PTCH1: variants seen among roughly 807,000 people sequenced by gnomAD.
The protein encoded by PTCH1 is protein patched homolog 1.
Under a neutral mutation model 144.6 loss-of-function variants are expected in PTCH1, and 14 were observed. The observed-to-expected ratio is 0.10, with a 90% CI of 0.06 to 0.15. PTCH1 has a LOEUF of 0.15. PTCH1 is among the 10% of genes least tolerant of loss of function. The pLI is 1.00. For synonymous variants in PTCH1, 833 were observed against 793.6 expected (o/e 1.05, Z -0.83); for missense variants, 1,623 against 1,948.3 (o/e 0.83, Z 3.14).
chr9:95,453,275 G>A, intron 20 of PTCH1: 1 of 633,946 alleles, frequency 1.6e-6, no homozygotes, highest in South Asian at 1.8e-5. Flanking sequence ...GGGATTACAG[G>A]CACCCACCAC....
At chr9:95,469,323 C>G (rs1472774254) in intron 13 of PTCH1, 170 bp from the exon 14 acceptor site, 2 of 946,386 alleles carry the variant, frequency 2.1e-6, no homozygotes, top group East Asian at 5.3e-5. Flanking sequence ...ATAACATCAC[C>G]TGGTTCATCG....
intron 2 of PTCH1, among the ~76,000 whole-genome samples, chr9:95,497,303 C>T (rs1337617022): frequency 2.0e-5 from 3 of 152,320 alleles, no homozygotes; most frequent in Middle Eastern, 3.4e-3. Context: ...TCGTACGACA[C>T]GTTATACCGG....
At chr9:95,454,371 G>A (rs947093048) in intron 19 of PTCH1, among the ~76,000 whole-genome samples, 10 of 152,238 alleles carry the variant, frequency 6.6e-5, no homozygotes, top group Admixed American at 5.9e-4. Context: ...GGATTATGCC[G>A]AGAGGAGAGG....
At chr9:95,491,766 T>C (rs905132401) in intron 2 of PTCH1, among the ~76,000 whole-genome samples, 10 of 152,200 alleles carry the variant, frequency 6.6e-5, no homozygotes, top group Non-Finnish European at 1.3e-4. Flanking sequence ...AGGTCTCAAA[T>C]GCTCCAAAAC....
At chr9:95,494,677 G>A (rs1475415568) in intron 2 of PTCH1, among the ~76,000 whole-genome samples, 1 of 152,196 alleles carries the variant, frequency 6.6e-6, no homozygotes, top group East Asian at 1.9e-4. Context: ...CGCTGGCTCA[G>A]AGGCCACACT....
At chr9:95,475,253 C>T (rs892708115) in intron 12 of PTCH1, among the ~76,000 whole-genome samples, 1 of 152,182 alleles carries the variant, frequency 6.6e-6, no homozygotes, top group Non-Finnish European at 1.5e-5. Flanking sequence ...TTCACAGAAG[C>T]TGAGTCTGGA....
At chr9:95,453,860 A>G (rs1442755390) in intron 19 of PTCH1, among the ~76,000 whole-genome samples, 4 of 152,224 alleles carry the variant, frequency 2.6e-5, no homozygotes, top group African/African-American at 9.6e-5. Context: ...TCAAAACTAT[A>G]TAAAAATGGA....
At chr9:95,486,431 A>C (rs1161643855) in intron 2 of PTCH1, among the ~76,000 whole-genome samples, 1 of 152,272 alleles carries the variant, frequency 6.6e-6, no homozygotes, top group Non-Finnish European at 1.5e-5. Flanking sequence ...GGAAATCCCA[A>C]TTGAGAGGAA....
chr9:95,459,511 C>T lies in PTCH1; in HGVS notation c.2887+89G>A, dbSNP rs1315974893. 4.5e-5 allele frequency: 66 copies of T among 1,470,940 alleles called. No homozygotes were observed. The East Asian group carries it at 6.8e-4, about 15-fold the overall frequency. 91.1% of individuals were successfully genotyped at this position (1,470,940 alleles called of 1,614,324 possible). On this transcript the variant is annotated intron_variant, in intron 17 of 23. Transcript: ENST00000331920. ...GTTTACACTTCTGAACCCTGGGTAG[C>T]GTCAACGGATGAAGGCTGTTGCTGA...
chr9:95,489,974 T>C (rs1224765125), intron 2 of PTCH1, among the ~76,000 whole-genome samples: 2 of 151,336 alleles, frequency 1.3e-5, no homozygotes, highest in East Asian at 4.0e-4. Context: ...CTAATTTTTT[T>C]TGTATTTTTA....
At position 95,476,863 on chromosome 9, in the gene PTCH1, G is replaced by A. The variant is rs1685239243; in HGVS notation, c.1504-6C>T. The A allele has an allele frequency of 6.2e-7, 1 of 1,612,870 alleles. No homozygotes were observed. The highest frequency in any genetic ancestry group is 2.2e-5 in the East Asian group (1 of 44,846). ...AGAGCGAGAAATGGCAAAACCTACA[G>A]CAAAAACAGAGGATGGTGGCATTAG... On this transcript the variant is annotated splice_region_variant and splice_polypyrimidine_tract_variant and intron_variant, in intron 10 of 23. Coordinates refer to ENST00000331920, the MANE Select transcript of PTCH1 (RefSeq NM_000264.5). This position sits in a 1 kb window ranked among gnomAD's most constrained non-coding sequence, Gnocchi z 4.6.
In PTCH1 at chr9:95,516,906, T is replaced by A. The variant is rs142761971; in HGVS notation, c.-435A>T. 23,677 of 1,170,146 alleles carry A rather than the reference T, an allele frequency of 0.02. 329 individuals carry two copies. Among genetic ancestry groups the A allele is most frequent in the Non-Finnish European group, 0.025 (20,930 of 829,694 alleles). 72.5% of individuals were successfully genotyped at this position (1,170,146 alleles called of 1,614,324 possible). A position where few individuals can be genotyped will look rare whatever the true frequency, so the allele number is the denominator to read the frequency against. On this transcript the variant is annotated 5_prime_UTR_variant, in exon 1 of 23. Transcript: ENST00000430669. Reference sequence around the variant, plus strand: ...ATCCGAAAACTTTACCCCTTTACAATAAACTCAAGGAAAGCAAAGTAAACT... The same window carrying A: ...ATCCGAAAACTTTACCCCTTTACAAAAAACTCAAGGAAAGCAAAGTAAACT...
chr9:95,506,029 G>A (rs1285583565), intron 2 of PTCH1, among the ~76,000 whole-genome samples: 1 of 148,030 alleles, frequency 6.8e-6, no homozygotes, highest in East Asian at 2.0e-4. Context: ...AAGCCGGGCC[G>A]CGGAGCGGGG....
intron 5 of PTCH1, among the ~76,000 whole-genome samples, chr9:95,481,028 A>C (rs1478412271): frequency 6.6e-6 from 1 of 152,104 alleles, no homozygotes; most frequent in African/African-American, 2.4e-5. Flanking sequence ...ACAATCCCAT[A>C]CTTATGAGCG....
chr9:95,483,876 G>C (rs1211876867), intron 3 of PTCH1: 2 of 152,194 alleles, frequency 1.3e-5, no homozygotes, highest in Non-Finnish European at 2.9e-5. Context: ...ATTTACACTT[G>C]AGAAGGACAT....
Position 95,508,385 on chromosome 9 carries a change from CGCGGGG to C in PTCH1, c.-30_-25del. The C allele has an allele frequency of 8.7e-7, 1 of 1,143,590 alleles. No homozygotes were observed. Among genetic ancestry groups the C allele is most frequent in the Non-Finnish European group, 1.1e-6 (1 of 933,512 alleles). 70.8% of individuals were successfully genotyped at this position (1,143,590 alleles called of 1,614,324 possible). ...ATGTTGCCGCCGCCGCCGCCGCCGCCGCGGGGACGGAGGCTTCCCGGGCGGCCCGGC... is the reference window on the plus strand; with the variant it reads ...ATGTTGCCGCCGCCGCCGCCGCCGCCACGGAGGCTTCCCGGGCGGCCCGGC... On this transcript the variant is annotated 5_prime_UTR_variant, in exon 1 of 24. Coordinates refer to ENST00000331920, the MANE Select transcript of PTCH1 (RefSeq NM_000264.5).
Position 95,476,720 on chromosome 9 carries a change from T to C in PTCH1, c.1602+39A>G. 6.4e-7 allele frequency: 1 copy of C among 1,568,776 alleles called. No homozygotes were observed. Among genetic ancestry groups the C allele is most frequent in the Non-Finnish European group, 8.7e-7 (1 of 1,143,608 alleles). On this transcript the variant is annotated intron_variant, in intron 11 of 23. Transcript: ENST00000331920. This position sits in a 1 kb window ranked among gnomAD's most constrained non-coding sequence, Gnocchi z 4.6. Reference sequence around the variant, plus strand: ...AAATACTTAGGAACAGAGGAAGCTGTGATGTCCCCAAAGCTCTCTTCTTTT... The same window carrying C: ...AAATACTTAGGAACAGAGGAAGCTGCGATGTCCCCAAAGCTCTCTTCTTTT...
At chr9:95,494,440 C>T (rs980730433) in intron 2 of PTCH1, 2 of 985,398 alleles carry the variant, frequency 2.0e-6, no homozygotes, top group African/African-American at 3.5e-5. Context: ...GGGCTGTGCA[C>T]CGCGCCACCT....
intron 2 of PTCH1, among the ~76,000 whole-genome samples, chr9:95,504,641 C>A (rs549747385): frequency 1.5e-4 from 23 of 152,220 alleles, no homozygotes; most frequent in Non-Finnish European, 3.2e-4. Flanking sequence ...TACGGCAGCG[C>A]CCCTACAGTC....
Sources: gnomAD v4.1 joint callset for allele counts (sites outside exome capture counted in the v4.1 genomes callset) on GRCh38, gnomAD v4.1.1 for gene constraint, Gnocchi (gnomAD v3.1) non-coding constraint, MANE v1.5 for transcripts, NCBI Gene and HGNC (gene_info 2026-07-23, HGNC 2026-07-21) for gene names.